The following TENM3 variants were observed in gnomAD, a reference collection of about 807,000 sequenced individuals.
The protein encoded by TENM3 is teneurin transmembrane protein 3.
TENM3 carries 63 observed loss-of-function variants against 255.1 expected under a neutral mutation model. That is an observed-to-expected ratio of 0.25 (90% CI 0.20 to 0.30). TENM3 has a LOEUF of 0.30. TENM3 is among the 10% of genes least tolerant of loss of function. The pLI is 1.00. For missense variants in TENM3, 2,929 were observed against 3,461.1 expected (o/e 0.85, Z 3.86); for synonymous variants, 1,306 against 1,322.3 (o/e 0.99, Z 0.27).
At chr4:181,904,935 G>T in the TENM3 span, among the ~76,000 whole-genome samples, 1 of 152,112 alleles carries the variant, frequency 6.6e-6, no homozygotes, top group East Asian at 1.9e-4. Context: ...TTTTGAAAAT[G>T]GGAGTTTCCC....
At chr4:182,726,799 CT>C (rs1369527522) in intron 13 of TENM3, among the ~76,000 whole-genome samples, 1 of 152,292 alleles carries the variant, frequency 6.6e-6, no homozygotes, top group South Asian at 2.1e-4. Context: ...CGTGTTGTTG[CT>C]GACCTGCCTT....
the TENM3 span, among the ~76,000 whole-genome samples, chr4:181,874,800 A>C: frequency 3.3e-5 from 5 of 152,322 alleles, no homozygotes; most frequent in South Asian, 4.1e-4. Flanking sequence ...TCCTCTGTTT[A>C]ATGTTAACAC....
chr4:181,606,631 CA>C, the TENM3 span, among the ~76,000 whole-genome samples: 1 of 152,090 alleles, frequency 6.6e-6, no homozygotes, highest in Non-Finnish European at 1.5e-5. Flanking sequence ...GCCTGATTCT[CA>C]TTTCCTCTGC....
chr4:182,137,943 G>A, the TENM3 span, among the ~76,000 whole-genome samples: 1 of 152,176 alleles, frequency 6.6e-6, no homozygotes. Flanking sequence ...ATCCCTAAAT[G>A]AAGAATAGTA....
intron 1 of TENM3, among the ~76,000 whole-genome samples, chr4:182,219,711 G>T (rs767634129): frequency 6.6e-6 from 1 of 152,018 alleles, no homozygotes; most frequent in South Asian, 2.1e-4. Context: ...ATACCATCAG[G>T]CTTCTTTAAA....
At chr4:181,626,392 A>T in the TENM3 span, among the ~76,000 whole-genome samples, 1 of 152,188 alleles carries the variant, frequency 6.6e-6, no homozygotes, top group African/African-American at 2.4e-5. Context: ...AATTTATATA[A>T]GAAAATTAGT....
chr4:182,763,536 C>T (rs1438889617), intron 22 of TENM3, among the ~76,000 whole-genome samples: 2 of 148,884 alleles, frequency 1.3e-5, no homozygotes, highest in African/African-American at 4.9e-5. Context: ...GCCTGGGCGA[C>T]AGAGTGAGAC....
chr4:182,497,202 G>A (rs977778221), intron 3 of TENM3, among the ~76,000 whole-genome samples: 1 of 151,874 alleles, frequency 6.6e-6, no homozygotes, highest in African/African-American at 2.4e-5. Context: ...TCAGGCACGC[G>A]CCACCATGCC....
the TENM3 span, among the ~76,000 whole-genome samples, chr4:181,538,191 C>T: frequency 4.6e-5 from 7 of 152,074 alleles, no homozygotes; most frequent in South Asian, 2.1e-4. Flanking sequence ...CACTTTTAAT[C>T]GGTTTTCTAA....
chr4:182,323,717 A>G (rs1410687649), intron 1 of TENM3, among the ~76,000 whole-genome samples: 2 of 152,196 alleles, frequency 1.3e-5, no homozygotes, highest in East Asian at 3.9e-4. Context: ...AATCAGATAC[A>G]GTAGCTTCAA....
chr4:182,585,515 C>T (rs1053484291), intron 3 of TENM3, among the ~76,000 whole-genome samples: 11 of 152,292 alleles, frequency 7.2e-5, no homozygotes, highest in African/African-American at 2.6e-4. Flanking sequence ...TCCTGCATTG[C>T]TCCCCTGCTG....
chr4:181,557,873 A>G, the TENM3 span, among the ~76,000 whole-genome samples: 1 of 152,240 alleles, frequency 6.6e-6, no homozygotes, highest in Non-Finnish European at 1.5e-5. Context: ...GAAAATAAAA[A>G]TAAGGCAAAG....
the TENM3 span, among the ~76,000 whole-genome samples, chr4:181,486,529 C>T: frequency 6.6e-6 from 1 of 152,178 alleles, no homozygotes; most frequent in Non-Finnish European, 1.5e-5. Context: ...TTGCACTTGG[C>T]TTATCTTCAG....
chr4:182,519,629 A>G (rs1347811757), intron 3 of TENM3, among the ~76,000 whole-genome samples: 2 of 152,164 alleles, frequency 1.3e-5, no homozygotes, highest in Admixed American at 6.5e-5. Flanking sequence ...TTCCACTTCT[A>G]TTTGCTTCCA....
the TENM3 span, among the ~76,000 whole-genome samples, chr4:181,537,597 C>T: frequency 6.6e-6 from 1 of 152,170 alleles, no homozygotes; most frequent in African/African-American, 2.4e-5. Flanking sequence ...ATTCCAAGTA[C>T]TATGTTGGCA....
chr4:182,705,418 G>A (rs186306050), intron 12 of TENM3, among the ~76,000 whole-genome samples: 19 of 152,246 alleles, frequency 1.2e-4, no homozygotes, highest in African/African-American at 3.9e-4. Flanking sequence ...ACACTATACC[G>A]AGGATTCAAG....
chr4:182,712,157 T>TA (rs951361013), intron 12 of TENM3, among the ~76,000 whole-genome samples: 2 of 152,144 alleles, frequency 1.3e-5, no homozygotes, highest in African/African-American at 4.8e-5. Flanking sequence ...TACAGTCTAT[T>TA]AAAAAAAGAA....
chr4:182,621,746 TATATTATAATATATA>T (rs1750252460), intron 4 of TENM3, among the ~76,000 whole-genome samples: 1 of 32,966 alleles, frequency 3.0e-5, no homozygotes, highest in Non-Finnish European at 7.1e-5. Context: ...TAATATATAA[TATATTATAATATATA>T]ATAATTATAT....
chr4:182,770,525 C>T (rs1764114788), intron 22 of TENM3, among the ~76,000 whole-genome samples: 1 of 152,186 alleles, frequency 6.6e-6, no homozygotes, highest in African/African-American at 2.4e-5. Context: ...ACCACTAAGG[C>T]CAAGCAACAT....
Sources: gnomAD v4.1 joint callset for allele counts (sites outside exome capture counted in the v4.1 genomes callset) on GRCh38, gnomAD v4.1.1 for gene constraint, MANE v1.5 for transcripts, NCBI Gene and HGNC (gene_info 2026-07-23, HGNC 2026-07-21) for gene names.